The following RAPSN variants were observed in gnomAD, a reference collection of about 807,000 sequenced individuals.
RAPSN encodes receptor associated protein of the synapse, also known as 43 kDa receptor-associated protein of the synapse.
A neutral mutation model predicts 45.7 loss-of-function variants in RAPSN; 33 were observed. That is an observed-to-expected ratio of 0.72 (90% CI 0.55 to 0.97). The LOEUF is 0.97. Ranked by LOEUF, RAPSN falls within the 50% of genes least tolerant of loss-of-function variation. RAPSN has a pLI of 0.00. For synonymous variants in RAPSN, 244 were observed against 233.6 expected, an observed-to-expected ratio of 1.04 and a Z score of -0.40; for missense variants, 519 against 559.4, an observed-to-expected ratio of 0.93 and a Z score of 0.73.
At position 47,441,593 on chromosome 11, in the gene RAPSN, G is replaced by A. The variant is rs1361565088; in HGVS notation, c.912+18C>T. ...AGTGCTGGGAGGGCTGGAGGCTGTG[G>A]GAAAGGCCCGACCTCACCTTGTCCA... On this transcript the variant is annotated intron_variant, in intron 5 of 7. Coordinates refer to ENST00000298854, the MANE Select transcript of RAPSN (RefSeq NM_005055.5). The A allele has an allele frequency of 2.5e-6, 4 of 1,602,924 alleles. No homozygotes were observed. In the African/African-American group the frequency reaches 5.3e-5, roughly 21 times the overall value.
At chr11:47,444,515 G>C (rs1449551220) in intron 2 of RAPSN, among the ~76,000 whole-genome samples, 1 of 151,740 alleles carries the variant, frequency 6.6e-6, no homozygotes, top group Non-Finnish European at 1.5e-5. Context: ...CTCCATCCTG[G>C]GTGACAGAGC....
intron 2 of RAPSN, among the ~76,000 whole-genome samples, chr11:47,444,639 A>G (rs752103826): frequency 4.0e-5 from 6 of 151,824 alleles, no homozygotes; most frequent in Non-Finnish European, 8.8e-5. Context: ...TGGGCAGATC[A>G]TGAAGTCAGG....
rs2076423256 is a variant in RAPSN, at chr11:47,448,009, G to A, written c.334C>T (p.Leu112=). 2 of 1,613,894 alleles carry A rather than the reference G, an allele frequency of 1.2e-6. No individual in the cohort carries two copies. Among genetic ancestry groups the A allele is most frequent in the African/African-American group, 1.3e-5 (1 of 74,914 alleles). Residue 112 remains leucine (L), a synonymous_variant, in exon 2 of 8, where the codon CTG becomes TTG. Transcript: ENST00000298854. ...TGGGCACCTGCCCTGGTACCAGGCA[G>A]CCCAAGGCAGGTCTTGCAGTAGGAG... The part of the protein sequence containing the change: ...TISYCKTCLG[L]PGTRAGAQLG...
chr11:47,447,688 G>A, intron 2 of RAPSN, 124 bp downstream of exon 2: 2 of 1,168,426 alleles, frequency 1.7e-6, no homozygotes, highest in Non-Finnish European at 2.4e-6. Flanking sequence ...TTTGCTCTCT[G>A]ATTCTCACTC....
chr11:47,442,974 G>A (rs1383188102), intron 2 of RAPSN, among the ~76,000 whole-genome samples, 160 bp from the exon 3 acceptor site: 2 of 152,230 alleles, frequency 1.3e-5, no homozygotes, highest in East Asian at 3.8e-4. Flanking sequence ...CCGGTAGAGG[G>A]AACAGCCAGT....
At position 47,446,913 on chromosome 11, in the gene RAPSN, G is replaced by A. The variant is rs573794771; in HGVS notation, c.531+899C>T. 2.5e-4 allele frequency among the ~76,000 whole-genome samples: 38 copies of A among 152,124 alleles called. No homozygotes were observed. In the South Asian group the frequency reaches 6.8e-3, roughly 27 times the overall value. On this transcript the variant is annotated intron_variant, in intron 2 of 7. Coordinates refer to ENST00000298854, the MANE Select transcript of RAPSN (RefSeq NM_005055.5). ...AGAGCAAAACTCCGCCCCTGCCCCC[G>A]CCAAAAAATACCCAGGATCAGAACC...
At chr11:47,446,545 G>A (rs2076408044) in intron 2 of RAPSN, among the ~76,000 whole-genome samples, 2 of 152,052 alleles carry the variant, frequency 1.3e-5, no homozygotes, top group Admixed American at 1.3e-4. Context: ...AGCATCTACT[G>A]GGGCCAGGCA....
chr11:47,443,984 A>AAAAAAG (rs1302658057), intron 2 of RAPSN, among the ~76,000 whole-genome samples: 9 of 150,490 alleles, frequency 6.0e-5, no homozygotes, highest in Admixed American at 2.7e-4. Context: ...AGAAGGAAAG[A>AAAAAAG]AAAAAGAAAA....
intron 6 of RAPSN, among the ~76,000 whole-genome samples, chr11:47,440,172 T>C (rs1235634953): frequency 6.6e-6 from 1 of 152,180 alleles, no homozygotes; most frequent in Non-Finnish European, 1.5e-5. Flanking sequence ...TCCTCATCTG[T>C]AAAATGGGGC....
chr11:47,438,168 A>C (rs2076328378), intron 7 of RAPSN, 121 bp from the exon 8 acceptor site: 1 of 1,201,946 alleles, frequency 8.3e-7, no homozygotes, highest in African/African-American at 1.5e-5. Context: ...GTTCAGCAGC[A>C]GTGGAAGGGA....
rs1304668133 is a variant in RAPSN, at chr11:47,441,809, C to T, written c.789+14G>A. ...TGCCCCCTGCCCCCAGCCCCTGCAT[C>T]CCGGTGACCTCACCTCCAGGTCCCC... is the stretch of plus-strand genomic sequence containing the variant. On this transcript the variant is annotated intron_variant, in intron 4 of 7. Coordinates refer to ENST00000298854, the MANE Select transcript of RAPSN (RefSeq NM_005055.5). The T allele has an allele frequency of 7.3e-7, 1 of 1,375,088 alleles. No homozygotes were observed. The highest frequency in any genetic ancestry group is 9.7e-7 in the Non-Finnish European group (1 of 1,035,968). 85.2% of individuals were successfully genotyped at this position (1,375,088 alleles called of 1,614,324 possible).
chr11:47,438,126 C>G, intron 7 of RAPSN, 79 bp from the exon 8 acceptor site: 1 of 1,478,304 alleles, frequency 6.8e-7, no homozygotes, highest in South Asian at 1.2e-5. Flanking sequence ...CTTGCCTGCC[C>G]TCTGCAGGGG....
rs1198989939 is a variant in RAPSN at position 47,448,111 on chromosome 11, C to A, written c.232G>T (p.Asp78Tyr). The change falls in exon 2 of 8, where the codon GAT becomes TAT. Residue 78 changes from aspartate (D) to tyrosine (Y), a missense_variant. By Grantham distance (160) the Asp-to-Tyr change is radical (BLOSUM62 -3). Coordinates refer to ENST00000298854, the MANE Select transcript of RAPSN (RefSeq NM_005055.5). ...TAGCTCTCCAGGAGGAAGTCGGCAT[C>A]CTCCAGCTCCCGGGCCGTGTCGATC... ...VQIDTARELE[D>Y]ADFLLESYLN... 1 of 1,613,468 alleles carries A rather than the reference C, an allele frequency of 6.2e-7. No homozygotes were observed. The highest frequency in any genetic ancestry group is 1.3e-5 in the African/African-American group (1 of 74,874).
chr11:47,447,710 C>T, intron 2 of RAPSN, 102 bp downstream of exon 2: 1 of 1,329,318 alleles, frequency 7.5e-7, no homozygotes, highest in Admixed American at 2.0e-5. Flanking sequence ...CCTCAGCCCT[C>T]CCTAAAAGGA....
chr11:47,442,105 T>C (rs1161087370), intron 3 of RAPSN, among the ~76,000 whole-genome samples, 184 bp from the exon 4 acceptor site: 4 of 151,984 alleles, frequency 2.6e-5, no homozygotes, highest in Non-Finnish European at 5.9e-5. Context: ...GCAAGGTGGG[T>C]GGAAAGTGAG....
chr11:47,438,323 A>G (rs1405028564), intron 7 of RAPSN, among the ~76,000 whole-genome samples: 6 of 151,982 alleles, frequency 3.9e-5, no homozygotes, highest in Non-Finnish European at 8.8e-5. Context: ...TGGACGTCCG[A>G]CCTAATGACC....
chr11:47,447,808 C>A lies in RAPSN; in HGVS notation c.531+4G>T, dbSNP rs776088255. The stretch of plus-strand genomic sequence containing the variant: ...ACTGCTGTCCCCCTGGGGTGCAGGC[C>A]CACCTTGACCTGGGCATAGAAGCTG... On this transcript the variant is annotated splice_donor_region_variant and intron_variant, in intron 2 of 7. Transcript: ENST00000298854. 7 of 1,609,246 alleles carry A rather than the reference C, an allele frequency of 4.3e-6. No homozygotes were observed. The South Asian group carries it at 5.5e-5, about 13-fold the overall frequency.
Position 47,447,822 on chromosome 11 carries a change from G to A in RAPSN, c.521C>T (p.Ala174Val), listed in dbSNP as rs776159498. 1 of 1,612,032 alleles carries A rather than the reference G, an allele frequency of 6.2e-7. No individual in the cohort carries two copies. Among genetic ancestry groups the A allele is most frequent in the South Asian group, 1.1e-5 (1 of 90,742 alleles). ...GGGGTGCAGGCCCACCTTGACCTGG[G>A]CATAGAAGCTGCCCAGGCTGCAGCA... is the stretch of plus-strand genomic sequence containing the variant. ...RVCCSLGSFY[A>V]QVKDYEKALF... Residue 174 changes from alanine (A) to valine (V), a missense_variant, in exon 2 of 8, where the codon GCC becomes GTC. Transcript: ENST00000298854.
At chr11:47,441,989 A>C (rs779399880) in intron 3 of RAPSN, 68 bp from the exon 4 acceptor site, 103 of 1,464,192 alleles carry the variant, frequency 7.0e-5, no homozygotes, top group Admixed American at 1.4e-4. Flanking sequence ...TCCCCTCAAC[A>C]GACCCCTCTG....
Sources: allele counts gnomAD v4.1 joint callset (sites outside exome capture counted in the v4.1 genomes callset), GRCh38; gene constraint gnomAD v4.1.1; transcripts MANE v1.5; gene names NCBI Gene and HGNC (gene_info 2026-07-23, HGNC 2026-07-21).